Variants in PKIG observed in about 807,000 individuals in gnomAD.
The protein encoded by PKIG is cAMP-dependent protein kinase inhibitor gamma.
Under a neutral mutation model 6.8 loss-of-function variants are expected in PKIG, and 1 was observed. That is an observed-to-expected ratio of 0.15 (90% CI 0.05 to 0.69). The LOEUF is 0.69. Ranked by LOEUF, PKIG falls within the 30% of genes least tolerant of loss-of-function variation. PKIG has a pLI of 0.82. For synonymous variants in PKIG, 39 were observed against 43.0 expected, an observed-to-expected ratio of 0.91 and a Z score of 0.36; for missense variants, 77 against 104.0, an observed-to-expected ratio of 0.74 and a Z score of 1.13.
In PKIG at chr20:44,618,691, C is replaced by G; in HGVS notation, c.*327C>G. ...GAGCAGCCCACACAGGAACGCTCCT[C>G]TCGCGAGCGGCCCGGGCAGGGACCC... On this transcript the variant is annotated 3_prime_UTR_variant, in exon 4 of 4. Coordinates refer to ENST00000372886, the MANE Select transcript of PKIG (RefSeq NM_001281445.2). 4.1e-6 allele frequency: 1 copy of G among 242,450 alleles called. No individual in the cohort carries two copies. Among genetic ancestry groups the G allele is most frequent in the East Asian group, 9.8e-5 (1 of 10,246 alleles). The allele number at this position is 242,450 out of a possible 1,614,324, so 15.0% of individuals were successfully genotyped here.
chr20:44,565,907 C>T (rs1664022736), intron 1 of PKIG, among the ~76,000 whole-genome samples: 1 of 152,202 alleles, frequency 6.6e-6, no homozygotes, highest in African/African-American at 2.4e-5. Context: ...GGATTATAGG[C>T]ACCCGCCTTC....
chr20:44,574,795 C>A (rs917886203), intron 1 of PKIG, among the ~76,000 whole-genome samples: 1 of 151,952 alleles, frequency 6.6e-6, no homozygotes, highest in African/African-American at 2.4e-5. Flanking sequence ...GTCTCGAACT[C>A]CTGACCTCAG....
chr20:44,609,671 C>T (rs2123460157), intron 2 of PKIG, among the ~76,000 whole-genome samples: 1 of 152,348 alleles, frequency 6.6e-6, no homozygotes, highest in East Asian at 1.9e-4. Context: ...TTCAGCTGGA[C>T]ATGGGAAAAA....
intron 1 of PKIG, among the ~76,000 whole-genome samples, chr20:44,543,974 G>A (rs1282246416): frequency 6.6e-6 from 1 of 151,074 alleles, no homozygotes; most frequent in African/African-American, 2.4e-5. Context: ...TGAGGCAGGA[G>A]AATCGCTTGA....
At chr20:44,568,469 A>G (rs2064828162) in intron 1 of PKIG, among the ~76,000 whole-genome samples, 1 of 150,900 alleles carries the variant, frequency 6.6e-6, no homozygotes, top group South Asian at 2.1e-4. Flanking sequence ...CATTAAAGTG[A>G]GACTTTTTTT....
At chr20:44,610,462 TTCTCTC>T (rs146920514) in intron 2 of PKIG, among the ~76,000 whole-genome samples, 9 of 123,246 alleles carry the variant, frequency 7.3e-5, no homozygotes, top group South Asian at 2.6e-4. Context: ...GTCTCTCTCT[TTCTCTC>T]TCTCTCTCTC....
chr20:44,613,513 C>T (rs901088099), intron 2 of PKIG, among the ~76,000 whole-genome samples: 10 of 152,162 alleles, frequency 6.6e-5, no homozygotes, highest in Non-Finnish European at 1.2e-4. Context: ...TCAAAGTTAC[C>T]GAATAGGCCA....
chr20:44,574,722 C>G (rs565728386), intron 1 of PKIG, among the ~76,000 whole-genome samples: 7 of 152,132 alleles, frequency 4.6e-5, no homozygotes, highest in African/African-American at 7.2e-5. Flanking sequence ...TACAGGCACA[C>G]GCCACCATGC....
intron 1 of PKIG, among the ~76,000 whole-genome samples, chr20:44,540,188 T>G (rs565948233): frequency 6.6e-6 from 1 of 152,096 alleles, no homozygotes; most frequent in Non-Finnish European, 1.5e-5. Flanking sequence ...CTTGAACTCC[T>G]GACCTCCAGT....
intron 1 of PKIG, among the ~76,000 whole-genome samples, chr20:44,575,427 C>G (rs1012055287): frequency 1.3e-5 from 2 of 152,114 alleles, no homozygotes; most frequent in African/African-American, 4.8e-5. Flanking sequence ...CCATGTTGGC[C>G]AGGCTGGTCT....
At chr20:44,606,873 G>C (rs918201722) in intron 2 of PKIG, among the ~76,000 whole-genome samples, 2 of 152,212 alleles carry the variant, frequency 1.3e-5, no homozygotes, top group Admixed American at 1.3e-4. Context: ...CATTTGCTCT[G>C]TGAGAACACA....
chr20:44,564,934 A>T (rs2064797891), intron 1 of PKIG, among the ~76,000 whole-genome samples: 1 of 152,250 alleles, frequency 6.6e-6, no homozygotes, highest in Non-Finnish European at 1.5e-5. Flanking sequence ...TTAGTCTAAG[A>T]TAAGTCCTTT....
chr20:44,579,972 A>G (rs1237119915), upstream of PKIG, among the ~76,000 whole-genome samples: 1 of 152,158 alleles, frequency 6.6e-6, no homozygotes, highest in Non-Finnish European at 1.5e-5. Flanking sequence ...TGCTGAGAAC[A>G]GGCCTTACAG....
intron 2 of PKIG, among the ~76,000 whole-genome samples, chr20:44,606,354 G>A (rs1316462752): frequency 6.6e-6 from 1 of 152,166 alleles, no homozygotes; most frequent in African/African-American, 2.4e-5. Flanking sequence ...AGAAGACTGT[G>A]GTGAAGGAAA....
intron 2 of PKIG, among the ~76,000 whole-genome samples, chr20:44,603,339 C>A (rs1334205701): frequency 6.6e-6 from 1 of 152,210 alleles, no homozygotes; most frequent in Non-Finnish European, 1.5e-5. Flanking sequence ...TCACTTACTA[C>A]ACTTTTTGCA....
intron 2 of PKIG, among the ~76,000 whole-genome samples, chr20:44,600,512 A>G (rs945003811): frequency 6.6e-6 from 1 of 151,938 alleles, no homozygotes; most frequent in Non-Finnish European, 1.5e-5. Context: ...CATGTGGAGG[A>G]GAGAGGTCAG....
chr20:44,561,036 A>C (rs975272915), intron 1 of PKIG, among the ~76,000 whole-genome samples: 5 of 152,232 alleles, frequency 3.3e-5, no homozygotes, highest in African/African-American at 1.2e-4. Context: ...AATAGAAGCC[A>C]AGATAAAAAC....
intron 1 of PKIG, among the ~76,000 whole-genome samples, chr20:44,535,969 G>A (rs1404296454): frequency 6.6e-6 from 1 of 152,006 alleles, no homozygotes; most frequent in Non-Finnish European, 1.5e-5. Context: ...CCCCATTTCC[G>A]CCTCCCCACC....
intron 1 of PKIG, among the ~76,000 whole-genome samples, chr20:44,551,594 G>T (rs757947339): frequency 2.6e-5 from 4 of 152,134 alleles, no homozygotes; most frequent in Non-Finnish European, 4.4e-5. Flanking sequence ...CCTACTAAAT[G>T]CCCATTTGAA....
Sources: gnomAD v4.1 joint callset for allele counts (sites outside exome capture counted in the v4.1 genomes callset) on GRCh38, gnomAD v4.1.1 for gene constraint, MANE v1.5 for transcripts, NCBI Gene and HGNC (gene_info 2026-07-23, HGNC 2026-07-21) for gene names.